Variants in EPS8 observed in about 807,000 individuals in gnomAD.
EPS8 encodes EGFR pathway substrate 8, signaling adaptor.
A neutral mutation model predicts 103.8 loss-of-function variants in EPS8; 42 were observed. That is an observed-to-expected ratio of 0.40 (90% CI 0.32 to 0.52). The LOEUF (loss-of-function observed/expected upper bound fraction) is 0.52, where lower values mean the gene tolerates loss of function less well. EPS8 is among the 20% of genes least tolerant of loss of function. The pLI, the probability that EPS8 is intolerant of heterozygous loss-of-function variation, is 0.40. For synonymous variants in EPS8, 344 were observed against 344.6 expected (o/e 1.00, Z 0.02); for missense variants, 969 against 1,005.1 (o/e 0.96, Z 0.49).
chr12:15,657,827 T>G, intron 12 of EPS8: 1 of 386,250 alleles, frequency 2.6e-6, no homozygotes, highest in East Asian at 6.1e-5. Context: ...CCAATAAATC[T>G]TTATTTCTTT....
rs1350716553 is a variant in EPS8 at position 15,776,728 on chromosome 12, G to C, written c.-22+12433C>G. Reference sequence around the variant, plus strand: ...CTAGATATAGCTTATGAAGAGCACAGTGTTAGTAAAAATGGCTGATGGGTT... The same window carrying C: ...CTAGATATAGCTTATGAAGAGCACACTGTTAGTAAAAATGGCTGATGGGTT... On this transcript the variant is annotated intron_variant, in intron 1 of 20. Coordinates refer to ENST00000281172, the MANE Select transcript of EPS8 (RefSeq NM_004447.6). The surrounding 1 kb of genome is among the most constrained non-coding windows in gnomAD (Gnocchi z 4.2). 6.6e-6 allele frequency among the ~76,000 whole-genome samples: 1 copy of C among 152,172 alleles called. No homozygotes were observed. The highest frequency in any genetic ancestry group is 1.9e-4 in the East Asian group (1 of 5,196).
At position 15,621,188 on chromosome 12, in the gene EPS8, C is replaced by T; in HGVS notation, c.*129G>A. 2.6e-6 allele frequency: 1 copy of T among 384,510 alleles called. No individual in the cohort carries two copies. 23.8% of individuals were successfully genotyped at this position (384,510 alleles called of 1,614,324 possible). A position where few individuals can be genotyped will look rare whatever the true frequency, so the allele number is the denominator to read the frequency against. ...CAAATCCTGTGCTCACTCAGGTTTGCATGGGTTTTTTTTTATGGTGATAAA... is the reference window on the plus strand; with the variant it reads ...CAAATCCTGTGCTCACTCAGGTTTGTATGGGTTTTTTTTTATGGTGATAAA... On this transcript the variant is annotated 3_prime_UTR_variant, in exon 21 of 21. Coordinates refer to ENST00000281172, the MANE Select transcript of EPS8 (RefSeq NM_004447.6).
In EPS8 at chr12:15,787,497, G is replaced by C. The variant is rs1413724952; in HGVS notation, c.-22+1664C>G. On this transcript the variant is annotated intron_variant, in intron 1 of 20. Coordinates refer to ENST00000281172, the MANE Select transcript of EPS8 (RefSeq NM_004447.6). This position sits in a 1 kb window ranked among gnomAD's most constrained non-coding sequence, Gnocchi z 4.9. ...AGAAACATCACCCTATTAAGAGTGGGGCTACTAACAGTATAAGTTAAATTA... is the reference window on the plus strand; with the variant it reads ...AGAAACATCACCCTATTAAGAGTGGCGCTACTAACAGTATAAGTTAAATTA... Among the ~76,000 whole-genome samples, 1 of 152,002 alleles carries C rather than the reference G, an allele frequency of 6.6e-6. No homozygotes were observed. Among genetic ancestry groups the C allele is most frequent in the Non-Finnish European group, 1.5e-5 (1 of 67,984 alleles).
At chr12:15,724,179 A>G (rs1401328616) in intron 1 of EPS8, among the ~76,000 whole-genome samples, 1 of 152,180 alleles carries the variant, frequency 6.6e-6, no homozygotes, top group Non-Finnish European at 1.5e-5. Flanking sequence ...TACTTTATGT[A>G]TAAGGTATAT....
rs1946884589 is a variant in EPS8, at chr12:15,747,235, GC to G, written c.-22+41925del. On this transcript the variant is annotated intron_variant, in intron 1 of 20. Coordinates refer to ENST00000281172, the MANE Select transcript of EPS8 (RefSeq NM_004447.6). The surrounding 1 kb of genome is among the most constrained non-coding windows in gnomAD (Gnocchi z 4.4). Reference sequence around the variant, plus strand: ...TAAAACTTAACCTGTATAAACTGTGGCTCTAATGTAAAGACTCAATAGTTAA... The same window carrying G: ...TAAAACTTAACCTGTATAAACTGTGGTCTAATGTAAAGACTCAATAGTTAA... Among the ~76,000 whole-genome samples, 1 of 152,158 alleles carries G rather than the reference GC, an allele frequency of 6.6e-6. No individual in the cohort carries two copies. Among genetic ancestry groups the G allele is most frequent in the Non-Finnish European group, 1.5e-5 (1 of 68,010 alleles).
chr12:15,749,689 A>G lies in EPS8; in HGVS notation c.-22+39472T>C, dbSNP rs954420851. Among the ~76,000 whole-genome samples, 3 of 152,170 alleles carry G rather than the reference A, an allele frequency of 2.0e-5. No individual in the cohort carries two copies. Among genetic ancestry groups the G allele is most frequent in the African/African-American group, 7.2e-5 (3 of 41,442 alleles). On this transcript the variant is annotated intron_variant, in intron 1 of 20. Transcript: ENST00000281172. The surrounding 1 kb of genome is among the most constrained non-coding windows in gnomAD (Gnocchi z 4.0). ...ACCTAATCAAAACAACATATATCATATTGTTCATAATATCTTCATATTGCA... is the reference window on the plus strand; with the variant it reads ...ACCTAATCAAAACAACATATATCATGTTGTTCATAATATCTTCATATTGCA...
intron 10 of EPS8, among the ~76,000 whole-genome samples, 175 bp from the exon 11 acceptor site, chr12:15,658,760 CA>C (rs1945552369): frequency 6.6e-6 from 1 of 152,116 alleles, no homozygotes; most frequent in African/African-American, 2.4e-5. Context: ...ATACAAATTT[CA>C]AAATGGATTG....
At chr12:15,623,465 G>A (rs578114255) in intron 19 of EPS8, among the ~76,000 whole-genome samples, 178 bp from the exon 20 acceptor site, 1 of 152,224 alleles carries the variant, frequency 6.6e-6, no homozygotes, top group East Asian at 1.9e-4. Context: ...CTTTCATGAT[G>A]ATGACCCTGA....
intron 17 of EPS8, chr12:15,634,664 G>T (rs561578281): frequency 1.9e-4 from 74 of 398,410 alleles, no homozygotes; most frequent in African/African-American, 1.5e-3. Flanking sequence ...AACATTTGGA[G>T]GGTGTTAAGT....
At chr12:15,623,119 A>G (rs1391010487) in intron 20 of EPS8, 39 bp downstream of exon 20, 1 of 1,569,962 alleles carries the variant, frequency 6.4e-7, no homozygotes, top group East Asian at 2.3e-5. Flanking sequence ...AGAGCTTTCA[A>G]TTTGCAGAAA....
Position 15,781,190 on chromosome 12 carries a change from A to G in EPS8, c.-22+7971T>C, listed in dbSNP as rs201054697. The stretch of plus-strand genomic sequence containing the variant: ...CATACCTCTGGTCAGTAGGATACAG[A>G]TGAGTCAACAGAAAACAAAGCTAGA... On this transcript the variant is annotated intron_variant, in intron 1 of 20. Coordinates refer to ENST00000281172, the MANE Select transcript of EPS8 (RefSeq NM_004447.6). The surrounding 1 kb of genome is among the most constrained non-coding windows in gnomAD (Gnocchi z 4.1). Among the ~76,000 whole-genome samples the G allele has an allele frequency of 6.6e-6, 1 of 152,268 alleles. No homozygotes were observed. The highest frequency in any genetic ancestry group is 2.4e-5 in the African/African-American group (1 of 41,470).
Position 15,681,315 on chromosome 12 carries a change from T to TAAA in EPS8, c.60-14_60-13insTTT. 1 of 982,828 alleles carries TAAA rather than the reference T, an allele frequency of 1.0e-6. No homozygotes were observed. The highest frequency in any genetic ancestry group is 1.7e-5 in the African/African-American group (1 of 57,540). The allele number at this position is 982,828 out of a possible 1,614,324, so 60.9% of individuals were successfully genotyped here. On this transcript the variant is annotated splice_polypyrimidine_tract_variant and intron_variant, in intron 2 of 20. Coordinates refer to ENST00000281172, the MANE Select transcript of EPS8 (RefSeq NM_004447.6). ...TGATCCGTAGCCACTGTAATAATAA[T>TAAA]AATAATAATAATAATAATAATATAA...
chr12:15,621,359 A>G lies in EPS8; in HGVS notation c.2427T>C (p.Ser809=), dbSNP rs762540221. 10 of 1,600,922 alleles carry G rather than the reference A, an allele frequency of 6.2e-6. No homozygotes were observed. In the Admixed American group the frequency reaches 1.7e-4, roughly 28 times the overall value. ...RRQEKISAAA[S]DSGVESFDEG... Reference sequence around the variant, plus strand: ...CATCAAAAGATTCCACTCCTGAATCACTAGCGGCAGCACTGATTTTTTCCT... The same window carrying G: ...CATCAAAAGATTCCACTCCTGAATCGCTAGCGGCAGCACTGATTTTTTCCT... Residue 809 remains serine (S), a synonymous_variant, in exon 21 of 21, where the codon AGT becomes AGC. Coordinates refer to ENST00000281172, the MANE Select transcript of EPS8 (RefSeq NM_004447.6).
intron 16 of EPS8, among the ~76,000 whole-genome samples, chr12:15,641,213 C>G (rs890964674): frequency 6.6e-6 from 1 of 151,862 alleles, no homozygotes; most frequent in Non-Finnish European, 1.5e-5. Flanking sequence ...ACTTTTTTTC[C>G]TTACAAAATT....
At chr12:15,744,103 A>G (rs1227981685) in intron 1 of EPS8, among the ~76,000 whole-genome samples, 1 of 152,208 alleles carries the variant, frequency 6.6e-6, no homozygotes, top group African/African-American at 2.4e-5. Flanking sequence ...TGGGCAAAGG[A>G]TATGAACTGA....
intron 1 of EPS8, among the ~76,000 whole-genome samples, chr12:15,770,980 T>C (rs1322352890): frequency 6.6e-6 from 1 of 152,110 alleles, no homozygotes; most frequent in African/African-American, 2.4e-5. Context: ...AAATCAGATA[T>C]GGAGCCTACC....
At chr12:15,681,080 C>T in intron 3 of EPS8, 146 bp downstream of exon 3, 2 of 368,290 alleles carry the variant, frequency 5.4e-6, no homozygotes, top group Middle Eastern at 1.8e-3. Flanking sequence ...TTTATAAAAA[C>T]TCTTCTTTAA....
Position 15,755,461 on chromosome 12 carries a change from T to A in EPS8, c.-22+33700A>T, listed in dbSNP as rs1271658966. Reference sequence around the variant, plus strand: ...AAGGACCACTGATTTTCGAGCAATCTCTCTGAGCCTGTTTCTTTCATATGT... The same window carrying A: ...AAGGACCACTGATTTTCGAGCAATCACTCTGAGCCTGTTTCTTTCATATGT... On this transcript the variant is annotated intron_variant, in intron 1 of 20. Coordinates refer to ENST00000281172, the MANE Select transcript of EPS8 (RefSeq NM_004447.6). 4.6e-5 allele frequency among the ~76,000 whole-genome samples: 7 copies of A among 152,208 alleles called. No homozygotes were observed. The South Asian group carries it at 1.2e-3, about 27-fold the overall frequency.
At chr12:15,708,129 G>T (rs1251671726) in intron 1 of EPS8, among the ~76,000 whole-genome samples, 3 of 152,174 alleles carry the variant, frequency 2.0e-5, no homozygotes, top group Non-Finnish European at 4.4e-5. Context: ...ACAAGTGAAA[G>T]CTACTTATCT....
Sources: allele counts gnomAD v4.1 joint callset (sites outside exome capture counted in the v4.1 genomes callset), GRCh38; gene constraint gnomAD v4.1.1; non-coding constraint Gnocchi (gnomAD v3.1); transcripts MANE v1.5; gene names NCBI Gene and HGNC (gene_info 2026-07-23, HGNC 2026-07-21).